Variants in SLFN12L observed in about 807,000 individuals in gnomAD.
SLFN12L encodes the protein schlafen family member 12-like.
In SLFN12L, 34 loss-of-function variants were observed where a neutral mutation model predicts 34.8. That is an observed-to-expected ratio of 0.98 (90% CI 0.74 to 1.30). The LOEUF is 1.30. Among genes scored for constraint, SLFN12L ranks in the 50% most tolerant of loss-of-function variants. The probability of loss-of-function intolerance (pLI) is 0.00; values close to 1 mark genes in which losing one functional copy is unlikely to be tolerated. For synonymous variants in SLFN12L, 259 were observed against 247.5 expected, an observed-to-expected ratio of 1.05 and a Z score of -0.44; for missense variants, 703 against 696.2, an observed-to-expected ratio of 1.01 and a Z score of -0.11.
chr17:35,490,357 C>G (rs1469754778), intron 2 of SLFN12L: 7 of 1,337,770 alleles, frequency 5.2e-6, no homozygotes, highest in Admixed American at 1.7e-5. Context: ...AAACACGGTA[C>G]GATAGTCTCT....
At chr17:35,486,496 T>C (rs1914586271) in intron 2 of SLFN12L, among the ~76,000 whole-genome samples, 1 of 152,056 alleles carries the variant, frequency 6.6e-6, no homozygotes, top group Non-Finnish European at 1.5e-5. Flanking sequence ...TAGCCTGGGA[T>C]CCTGGCCACC....
intron 2 of SLFN12L, among the ~76,000 whole-genome samples, chr17:35,483,069 G>C (rs1202483251): frequency 1.3e-5 from 2 of 152,164 alleles, no homozygotes; most frequent in Non-Finnish European, 2.9e-5. Flanking sequence ...TCTCTGCTGA[G>C]CGCTTCAGAG....
intron 2 of SLFN12L, chr17:35,499,632 A>T (rs1915220672): frequency 6.0e-6 from 1 of 165,486 alleles, no homozygotes; most frequent in Non-Finnish European, 1.3e-5. Flanking sequence ...TCTCAGCAGC[A>T]GTAGTGAGAA....
rs1288324945 is a variant in SLFN12L at position 35,522,907 on chromosome 17, C to T, written c.-543G>A. On this transcript the variant is annotated 5_prime_UTR_variant, in exon 2 of 5. The change abolishes an upstream ATG in the 5' untranslated region. Transcript: ENST00000628453. Reference sequence around the variant, plus strand: ...TTATTTATTAACTCCTCTAATCCTTCATTCTGTGAGGACAGCTCCTTCCAG... The same window carrying T: ...TTATTTATTAACTCCTCTAATCCTTTATTCTGTGAGGACAGCTCCTTCCAG... 3 of 671,598 alleles carry T rather than the reference C, an allele frequency of 4.5e-6. No homozygotes were observed. Among genetic ancestry groups the T allele is most frequent in the Non-Finnish European group, 7.9e-6 (3 of 382,098 alleles). The allele number at this position is 671,598 out of a possible 1,614,324, so 41.6% of individuals were successfully genotyped here. A position where few individuals can be genotyped will look rare whatever the true frequency, so the allele number is the denominator to read the frequency against.
At chr17:35,494,894 TTTATTTATTTA>T (rs1914987572) in intron 2 of SLFN12L, among the ~76,000 whole-genome samples, 10 of 103,852 alleles carry the variant, frequency 9.6e-5, no homozygotes, top group Non-Finnish European at 1.9e-4. Context: ...ATTTATTTTA[TTTATTTATTTA>T]TTTATTTATT....
At chr17:35,536,359 G>C (rs189963330) in intron 1 of SLFN12L, among the ~76,000 whole-genome samples, 3 of 152,228 alleles carry the variant, frequency 2.0e-5, no homozygotes, top group East Asian at 3.9e-4. Context: ...AACATCTAGG[G>C]CCTTCACAAG....
intron 2 of SLFN12L, chr17:35,487,639 G>A: frequency 1.5e-6 from 2 of 1,375,746 alleles, no homozygotes; most frequent in African/African-American, 1.4e-5. Flanking sequence ...TAGCTCTGAG[G>A]GATCACGGAG....
intron 2 of SLFN12L, among the ~76,000 whole-genome samples, chr17:35,521,399 A>G (rs1377006820): frequency 6.6e-6 from 1 of 152,246 alleles, no homozygotes; most frequent in East Asian, 1.9e-4. Flanking sequence ...TTTCTGTACT[A>G]TCTTTGCAAC....
chr17:35,476,475 AAGGAAG>A (rs1567642555), intron 4 of SLFN12L, among the ~76,000 whole-genome samples: 7 of 119,526 alleles, frequency 5.9e-5, no homozygotes, highest in Middle Eastern at 4.0e-3. Flanking sequence ...GGAAGGAAGG[AAGGAAG>A]GAAGGAAGGA....
At chr17:35,527,954 C>G (rs976749153) in intron 1 of SLFN12L, among the ~76,000 whole-genome samples, 4 of 152,132 alleles carry the variant, frequency 2.6e-5, no homozygotes, top group Admixed American at 1.3e-4. Flanking sequence ...TTAGAAAACC[C>G]CACAGTCTCA....
At chr17:35,527,920 T>C (rs1036816509) in intron 1 of SLFN12L, among the ~76,000 whole-genome samples, 5 of 152,182 alleles carry the variant, frequency 3.3e-5, no homozygotes, top group Admixed American at 2.6e-4. Context: ...ATTGTCTCTG[T>C]TTGCAGATGA....
intron 2 of SLFN12L, among the ~76,000 whole-genome samples, chr17:35,482,488 T>C (rs886390334): frequency 1.3e-5 from 2 of 152,096 alleles, no homozygotes; most frequent in Non-Finnish European, 2.9e-5. Flanking sequence ...AAACCACCAC[T>C]GTAGACCCAG....
chr17:35,498,580 G>A lies in SLFN12L; in HGVS notation c.87-18385C>T, dbSNP rs147797436. ...AGTACAGTGGAAAGTTTTTACAGCC[G>A]CTTCCATGGAATGTTTCTGCAGAAA... On this transcript the variant is annotated intron_variant, in intron 2 of 4. Coordinates refer to ENST00000628453, the MANE Select transcript of SLFN12L (RefSeq NM_001363830.2). 806 of 1,565,632 alleles carry A rather than the reference G, an allele frequency of 5.1e-4. 5 individuals are homozygous for A. The African/African-American group carries it at 9.1e-3, about 18-fold the overall frequency.
At chr17:35,502,234 A>T (rs934018057) in intron 2 of SLFN12L, among the ~76,000 whole-genome samples, 6 of 152,154 alleles carry the variant, frequency 3.9e-5, no homozygotes, top group African/African-American at 1.4e-4. Context: ...CAGTGTAAAC[A>T]AGGGGGTATC....
Position 35,522,628 on chromosome 17 carries a change from G to A in SLFN12L, c.-264C>T, listed in dbSNP as rs1361227558. The A allele has an allele frequency of 6.2e-7, 1 of 1,612,728 alleles. No homozygotes were observed. Among genetic ancestry groups the A allele is most frequent in the Admixed American group, 1.7e-5 (1 of 59,800 alleles). The stretch of plus-strand genomic sequence containing the variant: ...CATCGGAGACACTGCAGCCTCCAAA[G>A]CCTCTGCGCTGCTCTCAGGACTCAG... On this transcript the variant is annotated 5_prime_UTR_variant, in exon 2 of 5. Coordinates refer to ENST00000628453, the MANE Select transcript of SLFN12L (RefSeq NM_001363830.2).
chr17:35,504,534 A>T (rs1389425094), intron 2 of SLFN12L, among the ~76,000 whole-genome samples: 2 of 152,236 alleles, frequency 1.3e-5, no homozygotes, highest in Admixed American at 1.3e-4. Context: ...TGCACATGGC[A>T]GTCCAGAGGC....
rs551521946 is a variant in SLFN12L at position 35,473,223 on chromosome 17, T to C, written c.*1700A>G. ...GTGGTGAGAGAGGGCATTCTTGTCT[T>C]GTGCCAATTTTCAAAGGGAATGCTT... On this transcript the variant is annotated 3_prime_UTR_variant, in exon 5 of 5. Coordinates refer to ENST00000628453, the MANE Select transcript of SLFN12L (RefSeq NM_001363830.2). 1.6e-4 allele frequency among the ~76,000 whole-genome samples: 24 copies of C among 152,358 alleles called. No individual in the cohort carries two copies. The highest frequency in any genetic ancestry group is 5.5e-4 in the African/African-American group (23 of 41,588).
chr17:35,530,626 G>A (rs2142178259), intron 1 of SLFN12L, among the ~76,000 whole-genome samples: 1 of 152,100 alleles, frequency 6.6e-6, no homozygotes, highest in South Asian at 2.1e-4. Flanking sequence ...AATGAAGATG[G>A]CCAAGGGACG....
intron 1 of SLFN12L, among the ~76,000 whole-genome samples, chr17:35,535,677 A>G (rs1423287547): frequency 2.0e-5 from 3 of 151,364 alleles, no homozygotes; most frequent in Non-Finnish European, 4.4e-5. Context: ...TGTTTTTGAG[A>G]TGGATTCTTG....
Sources: gnomAD v4.1 joint callset for allele counts (sites outside exome capture counted in the v4.1 genomes callset) on GRCh38, gnomAD v4.1.1 for gene constraint, MANE v1.5 for transcripts, NCBI Gene and HGNC (gene_info 2026-07-23, HGNC 2026-07-21) for gene names.